Variants in PLEKHA6 observed in about 807,000 individuals in gnomAD.
The protein encoded by PLEKHA6 is pleckstrin homology domain-containing family A member 6.
Under a neutral mutation model 116.7 loss-of-function variants are expected in PLEKHA6, and 60 were observed. That is an observed-to-expected ratio of 0.51 (90% CI 0.42 to 0.64). PLEKHA6 has a LOEUF of 0.64. Among genes scored for constraint, PLEKHA6 ranks in the 30% least tolerant of loss-of-function variants. The probability of loss-of-function intolerance (pLI) is 0.00; values close to 1 mark genes in which losing one functional copy is unlikely to be tolerated. For synonymous variants in PLEKHA6, 489 were observed against 556.1 expected (o/e 0.88, Z 1.70); for missense variants, 1,338 against 1,422.7 (o/e 0.94, Z 0.96).
At chr1:204,310,781 C>T (rs943750031) in intron 1 of PLEKHA6, among the ~76,000 whole-genome samples, 1 of 152,118 alleles carries the variant, frequency 6.6e-6, no homozygotes, top group African/African-American at 2.4e-5. Flanking sequence ...ACAATAAAAG[C>T]TAGTTCTGAG....
At chr1:204,309,592 G>A (rs964296958) in intron 1 of PLEKHA6, 13 of 242,984 alleles carry the variant, frequency 5.4e-5, no homozygotes, top group Admixed American at 3.9e-4. Flanking sequence ...GCTTGTGTAC[G>A]TACACTGTCA....
intron 15 of PLEKHA6, among the ~76,000 whole-genome samples, chr1:204,243,417 G>A (rs1197809406): frequency 6.6e-6 from 1 of 152,170 alleles, no homozygotes; most frequent in East Asian, 1.9e-4. Flanking sequence ...CCTGAAGAGA[G>A]TGCCAGCTCT....
rs68036732 is a variant in PLEKHA6 at position 204,285,427 on chromosome 1, T to G, written c.-94-10618A>C. Among the ~76,000 whole-genome samples, 5 of 149,828 alleles carry G rather than the reference T, an allele frequency of 3.3e-5. No homozygotes were observed. In the East Asian group the frequency reaches 7.9e-4, roughly 24 times the overall value. Reference sequence around the variant, plus strand: ...GGACAATCCATTGTTTTCGTTTTTTTGGGTTTTTTGTTGTTTTTGTTGTTG... The same window carrying G: ...GGACAATCCATTGTTTTCGTTTTTTGGGGTTTTTTGTTGTTTTTGTTGTTG... On this transcript the variant is annotated intron_variant, in intron 1 of 22. Coordinates refer to ENST00000272203, the MANE Select transcript of PLEKHA6 (RefSeq NM_014935.5).
chr1:204,294,431 G>A (rs112108531), intron 1 of PLEKHA6, among the ~76,000 whole-genome samples: 6,767 of 152,244 alleles, frequency 0.044, 157 homozygotes, highest in African/African-American at 0.05. Flanking sequence ...CTGCTGTTGC[G>A]GAGGAAGAAC....
At position 204,223,392 on chromosome 1, in the gene PLEKHA6, A is replaced by G. The variant is rs1659888067; in HGVS notation, c.*8+70T>C. The G allele has an allele frequency of 3.8e-6, 3 of 780,526 alleles. No individual in the cohort carries two copies. The highest frequency in any genetic ancestry group is 2.9e-5 in the South Asian group (2 of 68,722). The allele number at this position is 780,526 out of a possible 1,614,324, so 48.4% of individuals were successfully genotyped here. A position where few individuals can be genotyped will look rare whatever the true frequency, so the allele number is the denominator to read the frequency against. On this transcript the variant is annotated intron_variant, in intron 22 of 22. Coordinates refer to ENST00000272203, the MANE Select transcript of PLEKHA6 (RefSeq NM_014935.5). The surrounding 1 kb of genome is among the most constrained non-coding windows in gnomAD (Gnocchi z 4.8). Reference sequence around the variant, plus strand: ...GCAATACCAAAATGAGAGGGCATAGATGGCTCAATGGGGGTGAAGGAAGGG... The same window carrying G: ...GCAATACCAAAATGAGAGGGCATAGGTGGCTCAATGGGGGTGAAGGAAGGG...
chr1:204,230,913 A>G (rs1331634243), intron 17 of PLEKHA6, among the ~76,000 whole-genome samples: 1 of 152,226 alleles, frequency 6.6e-6, no homozygotes. Context: ...AAGGAATGCC[A>G]AGGATTGCCA....
At chr1:204,275,440 A>T (rs1667899870) in intron 1 of PLEKHA6, among the ~76,000 whole-genome samples, 1 of 152,254 alleles carries the variant, frequency 6.6e-6, no homozygotes, top group South Asian at 2.1e-4. Flanking sequence ...TGCTGGCTCA[A>T]CAGTCCAGTC....
intron 1 of PLEKHA6, among the ~76,000 whole-genome samples, chr1:204,341,743 T>C (rs1672853553): frequency 1.3e-5 from 2 of 152,190 alleles, no homozygotes; most frequent in Non-Finnish European, 2.9e-5. Flanking sequence ...CATAGCCTAA[T>C]ATTAACCAAA....
chr1:204,355,792 C>T (rs1673397105), intron 1 of PLEKHA6, among the ~76,000 whole-genome samples: 1 of 152,096 alleles, frequency 6.6e-6, no homozygotes, highest in Non-Finnish European at 1.5e-5. Flanking sequence ...AAGCCAAAGA[C>T]TCGAACACAC....
intron 1 of PLEKHA6, among the ~76,000 whole-genome samples, chr1:204,357,791 G>T (rs920689486): frequency 1.6e-4 from 25 of 152,364 alleles, no homozygotes; most frequent in Non-Finnish European, 2.4e-4. Context: ...CTTCACTCTG[G>T]CCTAGGCCAG....
chr1:204,273,343 A>G (rs1667673599), intron 3 of PLEKHA6, among the ~76,000 whole-genome samples: 1 of 152,178 alleles, frequency 6.6e-6, no homozygotes, highest in African/African-American at 2.4e-5. Flanking sequence ...TCAACATCCT[A>G]CAATGCACAG....
chr1:204,375,034 G>C (rs1266402055), intron 1 of PLEKHA6, among the ~76,000 whole-genome samples: 1 of 151,772 alleles, frequency 6.6e-6, no homozygotes, highest in African/African-American at 2.4e-5. Flanking sequence ...CCTCTTCCTT[G>C]CCTTCTGGGG....
chr1:204,252,571 G>C (rs895523038), intron 9 of PLEKHA6, among the ~76,000 whole-genome samples: 2 of 152,154 alleles, frequency 1.3e-5, no homozygotes, highest in Non-Finnish European at 2.9e-5. Flanking sequence ...AAGTGAATGA[G>C]AAAGGGAGGA....
chr1:204,319,964 T>G (rs1671998702), intron 1 of PLEKHA6, among the ~76,000 whole-genome samples: 1 of 152,136 alleles, frequency 6.6e-6, no homozygotes, highest in African/African-American at 2.4e-5. Flanking sequence ...TCTGCGGGTC[T>G]AATTCTAACA....
intron 2 of PLEKHA6, among the ~76,000 whole-genome samples, chr1:204,371,106 T>G (rs980090029): frequency 2.0e-5 from 3 of 151,638 alleles, no homozygotes; most frequent in African/African-American, 7.3e-5. Flanking sequence ...CTTGTAACAT[T>G]TCAGTTGTTC....
At chr1:204,235,947 C>T (rs1030918874) in intron 17 of PLEKHA6, among the ~76,000 whole-genome samples, 9 of 152,272 alleles carry the variant, frequency 5.9e-5, no homozygotes, top group African/African-American at 2.2e-4. Flanking sequence ...TGAGAGGCAC[C>T]CCCAACACCT....
intron 1 of PLEKHA6, among the ~76,000 whole-genome samples, chr1:204,342,640 G>A (rs960275465): frequency 2.0e-5 from 3 of 152,110 alleles, no homozygotes; most frequent in Admixed American, 2.0e-4. Context: ...GATGCTAGTG[G>A]ACCATGAAGA....
chr1:204,285,615 T>A (rs905990966), intron 1 of PLEKHA6, among the ~76,000 whole-genome samples: 73 of 152,226 alleles, frequency 4.8e-4, no homozygotes, highest in African/African-American at 1.7e-3. Flanking sequence ...AGCTGGAACG[T>A]CAGGCACGGG....
At chr1:204,284,644 G>A (rs1250837987) in intron 1 of PLEKHA6, among the ~76,000 whole-genome samples, 2 of 152,092 alleles carry the variant, frequency 1.3e-5, no homozygotes, top group Admixed American at 6.5e-5. Context: ...TGACGCCCCC[G>A]AGAGGAAGAG....
Sources: allele counts gnomAD v4.1 joint callset (sites outside exome capture counted in the v4.1 genomes callset), GRCh38; gene constraint gnomAD v4.1.1; non-coding constraint Gnocchi (gnomAD v3.1); transcripts MANE v1.5; gene names NCBI Gene and HGNC (gene_info 2026-07-23, HGNC 2026-07-21).